The following FAM78B variants were observed in gnomAD, a reference collection of about 807,000 sequenced individuals.
The protein encoded by FAM78B is protein FAM78B.
Under a neutral mutation model 20.0 loss-of-function variants are expected in FAM78B, and 10 were observed. The ratio of observed to expected loss-of-function variants is 0.50; its 90% CI spans 0.31 to 0.85. The LOEUF is 0.85. Ranked by LOEUF, FAM78B falls within the 40% of genes least tolerant of loss-of-function variation. The pLI, the probability that FAM78B is intolerant of heterozygous loss-of-function variation, is 0.05. For missense variants in FAM78B, 283 were observed against 345.0 expected, an observed-to-expected ratio of 0.82 and a Z score of 1.42; for synonymous variants, 135 against 132.8, an observed-to-expected ratio of 1.02 and a Z score of -0.12.
chr1:166,155,857 G>A (rs1052318204), intron 1 of FAM78B, among the ~76,000 whole-genome samples: 3 of 152,118 alleles, frequency 2.0e-5, no homozygotes, highest in South Asian at 2.1e-4. Context: ...TTCCCTTCAC[G>A]CCTCTCTTCC....
At chr1:166,101,358 A>G (rs1299965657) in intron 1 of FAM78B, among the ~76,000 whole-genome samples, 2 of 152,244 alleles carry the variant, frequency 1.3e-5, no homozygotes, top group Non-Finnish European at 1.5e-5. Flanking sequence ...TGAGGAGTTG[A>G]GAGAAGAAGG....
At chr1:166,148,444 G>A (rs1655553731) in intron 1 of FAM78B, among the ~76,000 whole-genome samples, 2 of 152,216 alleles carry the variant, frequency 1.3e-5, no homozygotes, top group African/African-American at 4.8e-5. Context: ...GGCACTGAAA[G>A]TTTGGGCAAC....
exon 3 of FAM78B, chr1:166,057,840 A>G (rs1053588299): frequency 1.3e-5 from 2 of 152,242 alleles, no homozygotes; most frequent in African/African-American, 4.8e-5. Context: ...GATAAAGAGC[A>G]GAAGGGAAAT....
At chr1:166,073,148 A>T (rs778322146) in intron 1 of FAM78B, among the ~76,000 whole-genome samples, 8 of 152,226 alleles carry the variant, frequency 5.3e-5, no homozygotes, top group Non-Finnish European at 1.0e-4. Context: ...AGTTTCTGGA[A>T]CAGAGAAATA....
Position 166,070,759 on chromosome 1 carries a change from T to C in FAM78B, c.268A>G (p.Ser90Gly). 2 of 1,552,330 alleles carry C rather than the reference T, an allele frequency of 1.3e-6. No individual in the cohort carries two copies. The highest frequency in any genetic ancestry group is 1.7e-6 in the Non-Finnish European group (2 of 1,152,008). ...FNTYSDLGMSSWELPDLREGR... is the reference protein window; with the variant it reads ...FNTYSDLGMSGWELPDLREGR... ...TCCCTCAAGTCAGGCAGTTCCCAGC[T>C]TGACCTGGCAAAGCAGAAGACATGC... Residue 90 changes from serine (S) to glycine (G), a missense_variant, in exon 2 of 2, where the codon AGC becomes GGC. Transcript: ENST00000354422.
At chr1:166,157,833 GC>G (rs1172512079) in intron 1 of FAM78B, among the ~76,000 whole-genome samples, 1 of 152,168 alleles carries the variant, frequency 6.6e-6, no homozygotes, top group African/African-American at 2.4e-5. Context: ...AAAAGCTACA[GC>G]CCAGACCAAC....
intron 1 of FAM78B, among the ~76,000 whole-genome samples, chr1:166,111,495 T>A (rs1319529719): frequency 6.6e-6 from 1 of 152,254 alleles, no homozygotes; most frequent in Admixed American, 6.5e-5. Flanking sequence ...ACACATTGAC[T>A]GTGATTCGCA....
At chr1:166,158,401 G>A (rs1656000408) in intron 1 of FAM78B, among the ~76,000 whole-genome samples, 1 of 152,184 alleles carries the variant, frequency 6.6e-6, no homozygotes, top group Admixed American at 6.5e-5. Context: ...TAGACTCCTG[G>A]CACGGCTCCT....
intron 1 of FAM78B, 64 bp downstream of exon 1, chr1:166,165,922 T>A: frequency 6.3e-7 from 1 of 1,597,174 alleles, no homozygotes; most frequent in Non-Finnish European, 8.5e-7. Flanking sequence ...GGGAGGGGGG[T>A]CAAGGTGGCA....
At chr1:166,105,780 T>C (rs1429588096) in intron 1 of FAM78B, among the ~76,000 whole-genome samples, 2 of 151,720 alleles carry the variant, frequency 1.3e-5, no homozygotes, top group Admixed American at 6.6e-5. Flanking sequence ...AGTTCAACCA[T>C]TGTGGAAGTC....
intron 1 of FAM78B, among the ~76,000 whole-genome samples, chr1:166,090,192 T>G (rs1350997523): frequency 6.6e-6 from 1 of 152,180 alleles, no homozygotes; most frequent in Non-Finnish European, 1.5e-5. Flanking sequence ...TGAACTCCAG[T>G]ACAGGTCAAA....
At chr1:166,078,024 A>T (rs143835968) in intron 1 of FAM78B, among the ~76,000 whole-genome samples, 1,565 of 129,598 alleles carry the variant, frequency 0.012, 104 homozygotes, top group African/African-American at 0.047. Context: ...TATATATACA[A>T]AATAAAATAT....
At chr1:166,158,550 G>A (rs149096817) in intron 1 of FAM78B, among the ~76,000 whole-genome samples, 1,749 of 152,210 alleles carry the variant, frequency 0.011, 41 homozygotes, top group African/African-American at 0.04. Context: ...GACCTTTCAC[G>A]TGTGTTATTT....
rs58213930 is a variant in FAM78B at position 166,094,003 on chromosome 1, CTGTG to C, written c.264-23244_264-23241del. On this transcript the variant is annotated intron_variant, in intron 1 of 1. Transcript: ENST00000354422. Reference sequence around the variant, plus strand: ...AGGGGCACACAGGGCTTGCGAATGACTGTGTGTGTGTGTGTGTGTGTGTGTGTGT... The same window carrying C: ...AGGGGCACACAGGGCTTGCGAATGACTGTGTGTGTGTGTGTGTGTGTGTGT... Among the ~76,000 whole-genome samples, 331 of 125,546 alleles carry C rather than the reference CTGTG, an allele frequency of 2.6e-3. 4 individuals are homozygous for C. The highest frequency in any genetic ancestry group is 6.0e-3 in the African/African-American group (195 of 32,584). 82.4% of individuals were successfully genotyped at this position (125,546 alleles called of 152,430 possible). A position where few individuals can be genotyped will look rare whatever the true frequency, so the allele number is the denominator to read the frequency against.
intron 1 of FAM78B, among the ~76,000 whole-genome samples, chr1:166,135,511 G>A (rs1350656685): frequency 2.6e-5 from 4 of 152,180 alleles, no homozygotes; most frequent in Non-Finnish European, 5.9e-5. Context: ...ATTGCTCCTT[G>A]TCTGTTTCAC....
intron 1 of FAM78B, among the ~76,000 whole-genome samples, chr1:166,115,430 T>G (rs555765594): frequency 3.9e-4 from 59 of 152,274 alleles, no homozygotes; most frequent in Non-Finnish European, 6.6e-4. Context: ...AGAGAGTGCT[T>G]TGTGCATCTG....
intron 1 of FAM78B, among the ~76,000 whole-genome samples, chr1:166,138,721 T>C (rs184098178): frequency 1.9e-4 from 29 of 152,318 alleles, no homozygotes; most frequent in African/African-American, 7.0e-4. Context: ...TCCAAGAAGC[T>C]CCTCTCCATT....
chr1:166,115,287 C>T (rs976036549), intron 1 of FAM78B, among the ~76,000 whole-genome samples: 6 of 152,322 alleles, frequency 3.9e-5, no homozygotes, highest in Middle Eastern at 3.4e-3. Context: ...CAGAGATGGC[C>T]TCTTTGAGAA....
At chr1:166,122,628 G>A (rs2101769948) in intron 1 of FAM78B, among the ~76,000 whole-genome samples, 1 of 152,214 alleles carries the variant, frequency 6.6e-6, no homozygotes, top group Admixed American at 6.5e-5. Context: ...CTGAATCTGG[G>A]TTCAAATCCT....
Sources: allele counts gnomAD v4.1 joint callset (sites outside exome capture counted in the v4.1 genomes callset), GRCh38; gene constraint gnomAD v4.1.1; transcripts MANE v1.5; gene names NCBI Gene and HGNC (gene_info 2026-07-23, HGNC 2026-07-21).